Variants in LYRM4 observed in about 807,000 individuals in gnomAD.
LYRM4 encodes the protein LYR motif-containing protein 4.
A neutral mutation model predicts 11.7 loss-of-function variants in LYRM4; 9 were observed. The ratio of observed to expected loss-of-function variants is 0.77; its 90% CI spans 0.46 to 1.34. LYRM4 has a LOEUF of 1.34. Ranked by LOEUF, LYRM4 falls within the 40% of genes most tolerant of loss-of-function variation. LYRM4 has a pLI of 0.00. For synonymous variants in LYRM4, 42 were observed against 40.4 expected (o/e 1.04, Z -0.15); for missense variants, 133 against 112.5 (o/e 1.18, Z -0.82).
In LYRM4 at chr6:5,198,015, C is replaced by CAAAACA. The variant is rs1206779121; in HGVS notation, c.207+18597_207+18602dup. On this transcript the variant is annotated intron_variant, in intron 2 of 2. Coordinates refer to ENST00000330636, the MANE Select transcript of LYRM4 (RefSeq NM_020408.6). The stretch of plus-strand genomic sequence containing the variant: ...GTGAAACCCCATCCCTACTAAAATA[C>CAAAACA]AAAACAAAAACAAAAACAAAACAAA... Among the ~76,000 whole-genome samples, 19 of 151,952 alleles carry CAAAACA rather than the reference C, an allele frequency of 1.3e-4. No homozygotes were observed. In the East Asian group the frequency reaches 2.3e-3, roughly 19 times the overall value.
the LYRM4 span, among the ~76,000 whole-genome samples, chr6:5,094,599 C>CA: frequency 6.6e-6 from 1 of 152,240 alleles, no homozygotes; most frequent in African/African-American, 2.4e-5. Context: ...TGTTTATTTA[C>CA]ACTGAGAACT....
intron 2 of LYRM4, among the ~76,000 whole-genome samples, chr6:5,177,299 G>A (rs545481600): frequency 1.3e-5 from 2 of 152,252 alleles, no homozygotes; most frequent in African/African-American, 4.8e-5. Flanking sequence ...GAACAAAGAA[G>A]TTTTCCTAGT....
chr6:5,161,577 G>C (rs1247074664), intron 2 of LYRM4, among the ~76,000 whole-genome samples: 1 of 152,168 alleles, frequency 6.6e-6, no homozygotes, highest in Non-Finnish European at 1.5e-5. Context: ...AACTGCTGAA[G>C]AAAGCAGTTG....
intron 2 of LYRM4, among the ~76,000 whole-genome samples, chr6:5,154,974 G>T (rs1176720413): frequency 2.0e-5 from 3 of 152,206 alleles, no homozygotes; most frequent in African/African-American, 7.2e-5. Context: ...GTTCTAACAG[G>T]ATGGTGGATG....
intron 2 of LYRM4, among the ~76,000 whole-genome samples, chr6:5,175,378 C>T (rs1289284211): frequency 1.3e-5 from 2 of 152,184 alleles, no homozygotes; most frequent in African/African-American, 4.8e-5. Context: ...AGCCACAGCG[C>T]CCTCCACTGG....
intron 2 of LYRM4, among the ~76,000 whole-genome samples, chr6:5,162,683 A>G (rs1474102231): frequency 1.3e-5 from 2 of 152,236 alleles, no homozygotes; most frequent in Non-Finnish European, 2.9e-5. Context: ...CTATGGCACC[A>G]AAACATCATG....
At chr6:5,125,970 T>C (rs1763682706) in intron 2 of LYRM4, among the ~76,000 whole-genome samples, 2 of 152,200 alleles carry the variant, frequency 1.3e-5, no homozygotes, top group African/African-American at 4.8e-5. Flanking sequence ...TGCCCATTGG[T>C]GGGACAAGAC....
intron 1 of LYRM4, among the ~76,000 whole-genome samples, chr6:5,243,091 G>C (rs1763982484): frequency 6.6e-6 from 1 of 152,224 alleles, no homozygotes; most frequent in Non-Finnish European, 1.5e-5. Flanking sequence ...TGCTCTTAAA[G>C]AGCTGGATAT....
intron 2 of LYRM4, among the ~76,000 whole-genome samples, chr6:5,182,031 T>A (rs1178041613): frequency 6.6e-6 from 1 of 152,028 alleles, no homozygotes; most frequent in African/African-American, 2.4e-5. Flanking sequence ...TCCCCCCCAA[T>A]CCCCAGACAT....
At chr6:5,095,462 G>A in the LYRM4 span, among the ~76,000 whole-genome samples, 68,622 of 152,044 alleles carry the variant, frequency 0.45, 17,099 homozygotes, top group East Asian at 0.8. Flanking sequence ...AGAAACAACC[G>A]GATTGGTTAC....
intron 2 of LYRM4, among the ~76,000 whole-genome samples, chr6:5,124,942 G>T (rs112284997): frequency 8.8e-4 from 134 of 152,336 alleles, no homozygotes; most frequent in African/African-American, 3.0e-3. Context: ...GTTTGTCTCT[G>T]ACATGAGACT....
chr6:5,058,532 C>T, the LYRM4 span, among the ~76,000 whole-genome samples: 1 of 152,226 alleles, frequency 6.6e-6, no homozygotes, highest in Non-Finnish European at 1.5e-5. Context: ...TGGATTCTCT[C>T]TGTCCTCCTT....
chr6:5,153,839 ACT>A (rs1758230171), intron 2 of LYRM4, among the ~76,000 whole-genome samples: 2 of 152,152 alleles, frequency 1.3e-5, no homozygotes, highest in South Asian at 2.1e-4. Context: ...ACAATGAAAG[ACT>A]CTAATAATTT....
the LYRM4 span, among the ~76,000 whole-genome samples, chr6:5,074,832 A>G: frequency 4.6e-5 from 7 of 151,822 alleles, no homozygotes; most frequent in African/African-American, 2.4e-5. Context: ...TTTTCTGTGG[A>G]GTGCTGATAT....
intron 2 of LYRM4, among the ~76,000 whole-genome samples, chr6:5,130,256 C>T (rs1763889413): frequency 6.6e-6 from 1 of 152,160 alleles, no homozygotes; most frequent in Non-Finnish European, 1.5e-5. Flanking sequence ...TGGAGGCCAA[C>T]GCTGGGATTC....
intron 1 of LYRM4, among the ~76,000 whole-genome samples, chr6:5,240,318 C>G (rs1468793244): frequency 6.6e-6 from 1 of 152,116 alleles, no homozygotes; most frequent in Admixed American, 6.5e-5. Context: ...ACTACTCCCC[C>G]TCCTCTGCTG....
At chr6:5,130,191 G>A (rs557015810) in intron 2 of LYRM4, among the ~76,000 whole-genome samples, 86 of 152,298 alleles carry the variant, frequency 5.6e-4, no homozygotes, top group Middle Eastern at 3.4e-3. Context: ...GGGCCTGGGC[G>A]TGGGCTGCAG....
intron 2 of LYRM4, among the ~76,000 whole-genome samples, chr6:5,135,006 C>T (rs111823365): frequency 0.14 from 11,328 of 79,744 alleles, 1,389 homozygotes; most frequent in South Asian, 0.25. Flanking sequence ...GGATCGCTCC[C>T]GGGGCTGTGG....
At chr6:5,228,749 C>T (rs1038539246) in intron 1 of LYRM4, among the ~76,000 whole-genome samples, 1 of 151,176 alleles carries the variant, frequency 6.6e-6, no homozygotes, top group Non-Finnish European at 1.5e-5. Flanking sequence ...GCCTGTAATC[C>T]CAGCACTTTG....
Sources: allele counts gnomAD v4.1 joint callset (sites outside exome capture counted in the v4.1 genomes callset), GRCh38; gene constraint gnomAD v4.1.1; transcripts MANE v1.5; gene names NCBI Gene and HGNC (gene_info 2026-07-23, HGNC 2026-07-21).